PTPRT: variants seen among roughly 807,000 people sequenced by gnomAD.
PTPRT encodes the protein protein tyrosine phosphatase receptor type T.
PTPRT carries 56 observed loss-of-function variants against 176.8 expected under a neutral mutation model. The observed-to-expected ratio is 0.32, with a 90% CI of 0.26 to 0.40. PTPRT has a LOEUF of 0.40. Among genes scored for constraint, PTPRT ranks in the 10% least tolerant of loss-of-function variants. The pLI is 1.00. For synonymous variants in PTPRT, 783 were observed against 739.0 expected, an observed-to-expected ratio of 1.06 and a Z score of -0.96; for missense variants, 1,540 against 1,908.2, an observed-to-expected ratio of 0.81 and a Z score of 3.60.
At chr20:42,721,632 G>A (rs2076304984) in intron 6 of PTPRT, among the ~76,000 whole-genome samples, 1 of 152,214 alleles carries the variant, frequency 6.6e-6, no homozygotes, top group African/African-American at 2.4e-5. Flanking sequence ...TGAATGGACT[G>A]TGGGACCTGC....
intron 7 of PTPRT, among the ~76,000 whole-genome samples, chr20:42,665,996 G>A (rs1434084036): frequency 1.3e-5 from 2 of 151,732 alleles, no homozygotes; most frequent in Non-Finnish European, 2.9e-5. Flanking sequence ...AATGTTAAAT[G>A]ACGAGTTAAT....
chr20:42,061,841 G>A, the PTPRT span, among the ~76,000 whole-genome samples: 3 of 152,366 alleles, frequency 2.0e-5, no homozygotes, highest in South Asian at 4.1e-4. Flanking sequence ...GCACGCTTGC[G>A]TGGTTGGGAA....
chr20:43,150,630 T>C (rs2014320847), intron 1 of PTPRT, among the ~76,000 whole-genome samples: 1 of 152,086 alleles, frequency 6.6e-6, no homozygotes, highest in African/African-American at 2.4e-5. Flanking sequence ...CTAATTTTTG[T>C]ATTTTTGGTA....
chr20:42,891,307 TG>T (rs1176105276), intron 1 of PTPRT, among the ~76,000 whole-genome samples: 8 of 152,090 alleles, frequency 5.3e-5, no homozygotes, highest in Non-Finnish European at 8.8e-5. Flanking sequence ...TCCACATAAT[TG>T]GGGGAGGACA....
chr20:42,312,431 A>G (rs1477263849), intron 12 of PTPRT, among the ~76,000 whole-genome samples: 2 of 152,196 alleles, frequency 1.3e-5, no homozygotes, highest in East Asian at 3.8e-4. Flanking sequence ...GATTTGTTAG[A>G]CTGAGAATGG....
rs1462999775 is a variant in PTPRT, at chr20:43,189,093, C to T, written c.88+553G>A. On this transcript the variant is annotated intron_variant, in intron 1 of 30. Transcript: ENST00000373187. This position sits in a 1 kb window ranked among gnomAD's most constrained non-coding sequence, Gnocchi z 5.0. ...TCGGTCATCAACGCAAACATCCCCT[C>T]GGGTGCCTACAGCGGCCTGCTTAGG... is the stretch of plus-strand genomic sequence containing the variant. 6.6e-6 allele frequency among the ~76,000 whole-genome samples: 1 copy of T among 152,034 alleles called. No homozygotes were observed. Among genetic ancestry groups the T allele is most frequent in the Non-Finnish European group, 1.5e-5 (1 of 68,012 alleles).
intron 9 of PTPRT, among the ~76,000 whole-genome samples, chr20:42,391,940 T>C (rs2058803699): frequency 6.6e-6 from 1 of 152,010 alleles, no homozygotes; most frequent in African/African-American, 2.4e-5. Context: ...CCTACAGGAG[T>C]CAACAACATT....
chr20:42,236,618 G>A (rs983354731), intron 14 of PTPRT, among the ~76,000 whole-genome samples: 9 of 147,908 alleles, frequency 6.1e-5, no homozygotes, highest in Middle Eastern at 6.8e-3. Context: ...TTTGGTCGGC[G>A]GGGTGCAGGT....
intron 2 of PTPRT, among the ~76,000 whole-genome samples, chr20:42,835,502 G>A (rs1009385653): frequency 8.5e-5 from 13 of 152,126 alleles, no homozygotes; most frequent in Non-Finnish European, 1.3e-4. Context: ...AGTATTAAAC[G>A]CAGGGGGAAA....
intron 7 of PTPRT, among the ~76,000 whole-genome samples, chr20:42,618,374 T>G (rs1486611072): frequency 7.4e-6 from 1 of 135,968 alleles, no homozygotes; most frequent in Non-Finnish European, 1.5e-5. Context: ...TGTGGTCAAT[T>G]TTGGAATAGG....
At chr20:42,689,345 C>T (rs1362861712) in intron 6 of PTPRT, among the ~76,000 whole-genome samples, 1 of 152,140 alleles carries the variant, frequency 6.6e-6, no homozygotes. Flanking sequence ...AAGAATCTGC[C>T]ACTGGGCGGC....
chr20:42,375,155 G>A (rs897735517), intron 9 of PTPRT, among the ~76,000 whole-genome samples: 3 of 152,050 alleles, frequency 2.0e-5, no homozygotes, highest in South Asian at 2.1e-4. Flanking sequence ...TGTGTGTGTC[G>A]GGGGGACAGG....
chr20:42,629,024 T>A (rs983813771), intron 7 of PTPRT, among the ~76,000 whole-genome samples: 1 of 152,210 alleles, frequency 6.6e-6, no homozygotes. Flanking sequence ...TGCTGTGTCA[T>A]GCAACAGAAG....
chr20:42,250,863 C>A (rs180936865), intron 13 of PTPRT, among the ~76,000 whole-genome samples: 1 of 152,284 alleles, frequency 6.6e-6, no homozygotes, highest in Non-Finnish European at 1.5e-5. Flanking sequence ...ATTCCTTTCA[C>A]AAGCTAATGG....
chr20:42,628,977 C>T (rs1469606396), intron 7 of PTPRT, among the ~76,000 whole-genome samples: 3 of 152,126 alleles, frequency 2.0e-5, no homozygotes, highest in Non-Finnish European at 4.4e-5. Flanking sequence ...AGATTCAAAC[C>T]CAGATCTATT....
intron 7 of PTPRT, among the ~76,000 whole-genome samples, chr20:42,557,606 A>G (rs2072882371): frequency 6.6e-6 from 1 of 152,194 alleles, no homozygotes; most frequent in African/African-American, 2.4e-5. Flanking sequence ...CCAGGTGAGT[A>G]GAAGAGCAAA....
At chr20:42,539,031 C>T (rs550628854) in intron 7 of PTPRT, among the ~76,000 whole-genome samples, 1 of 152,230 alleles carries the variant, frequency 6.6e-6, no homozygotes, top group Non-Finnish European at 1.5e-5. Context: ...TTCACTAGCA[C>T]TGTTGGACCA....
intron 18 of PTPRT, among the ~76,000 whole-genome samples, chr20:42,140,165 A>C (rs1988555492): frequency 6.6e-6 from 1 of 152,156 alleles, no homozygotes; most frequent in African/African-American, 2.4e-5. Flanking sequence ...TAGACAGTTA[A>C]AACAAAACAA....
chr20:42,655,367 T>C (rs2075106571), intron 7 of PTPRT, among the ~76,000 whole-genome samples: 1 of 152,110 alleles, frequency 6.6e-6, no homozygotes, highest in South Asian at 2.1e-4. Context: ...AGTGCACCCC[T>C]GTAATCTCAG....
Sources: gnomAD v4.1 joint callset for allele counts (sites outside exome capture counted in the v4.1 genomes callset) on GRCh38, gnomAD v4.1.1 for gene constraint, Gnocchi (gnomAD v3.1) non-coding constraint, MANE v1.5 for transcripts, NCBI Gene and HGNC (gene_info 2026-07-23, HGNC 2026-07-21) for gene names.